Variants in CR1 observed in about 807,000 individuals in gnomAD.
The protein encoded by CR1 is complement receptor type 1.
A neutral mutation model predicts 187.3 loss-of-function variants in CR1; 116 were observed. The ratio of observed to expected loss-of-function variants is 0.62; its 90% confidence interval spans 0.53 to 0.72. The LOEUF (loss-of-function observed/expected upper bound fraction) is 0.72. Among genes scored for constraint, CR1 ranks in the 30% least tolerant of loss-of-function variants. The probability of loss-of-function intolerance (pLI) is 0.00; values close to 1 mark genes in which losing one functional copy is unlikely to be tolerated. For synonymous variants in CR1, 576 were observed against 747.1 expected (o/e 0.77, Z 3.73); for missense variants, 1,731 against 2,110.7 (o/e 0.82, Z 3.52).
At chr1:207,514,990 T>C (rs1453684649) in intron 4 of CR1, among the ~76,000 whole-genome samples, 105 of 127,582 alleles carry the variant, frequency 8.2e-4, no homozygotes, top group African/African-American at 2.8e-3. Flanking sequence ...CATATATATA[T>C]ATATACACAC....
chr1:207,585,730 G>A (rs1661093925), intron 33 of CR1, among the ~76,000 whole-genome samples: 1 of 152,232 alleles, frequency 6.6e-6, no homozygotes. Context: ...GTACCCATCA[G>A]AATGCAGTAA....
At chr1:207,617,598 TATATATATATATATAGAGAGAG>T (rs1208712450) in intron 41 of CR1, among the ~76,000 whole-genome samples, 89 of 38,394 alleles carry the variant, frequency 2.3e-3, no homozygotes, top group South Asian at 0.012. Flanking sequence ...TATATATATA[TATATATATATATATAGAGAGAG>T]AGAGAGAGAG....
At chr1:207,614,091 G>GT (rs1662022245) in intron 39 of CR1, among the ~76,000 whole-genome samples, 1 of 152,198 alleles carries the variant, frequency 6.6e-6, no homozygotes, top group Admixed American at 6.5e-5. Flanking sequence ...GAGAAGTATG[G>GT]TTCTGTGTTC....
rs1474144793 is a variant in CR1 at position 207,611,860 on chromosome 1, T to G, written c.6472+7T>G. The G allele has an allele frequency of 6.2e-7, 1 of 1,613,722 alleles. No individual in the cohort carries two copies. The highest frequency in any genetic ancestry group is 2.2e-5 in the East Asian group (1 of 44,782). On this transcript the variant is annotated splice_region_variant and intron_variant, in intron 38 of 46. Transcript: ENST00000367049. ...GAAGCCCCTAGATGTACAGGTGCCTTGACTCTCTGGCTTCCAGATTGCTCT... is the reference window on the plus strand; with the variant it reads ...GAAGCCCCTAGATGTACAGGTGCCTGGACTCTCTGGCTTCCAGATTGCTCT...
intron 25 of CR1, 105 bp downstream of exon 25, chr1:207,568,147 G>A (rs1660567286): frequency 2.5e-6 from 4 of 1,593,500 alleles, no homozygotes; most frequent in African/African-American, 1.4e-5. Flanking sequence ...GTATGCATTT[G>A]CCACAATGGA....
At chr1:207,626,721 A>G (rs1662490310) in intron 45 of CR1, among the ~76,000 whole-genome samples, 1 of 152,232 alleles carries the variant, frequency 6.6e-6, no homozygotes, top group African/African-American at 2.4e-5. Context: ...GAAGCTGCAT[A>G]AGCAGTCTGA....
chr1:207,590,800 G>A (rs1661246737), intron 35 of CR1, among the ~76,000 whole-genome samples: 1 of 152,182 alleles, frequency 6.6e-6, no homozygotes, highest in Admixed American at 6.5e-5. Context: ...AATAAAAGCA[G>A]GGGTTACAGT....
chr1:207,636,225 G>A (rs372979529), intron 46 of CR1, among the ~76,000 whole-genome samples: 8 of 152,018 alleles, frequency 5.3e-5, no homozygotes, highest in Non-Finnish European at 1.0e-4. Context: ...TAGTACTTCC[G>A]ATGGTCTTAA....
intron 35 of CR1, among the ~76,000 whole-genome samples, chr1:207,592,867 C>T (rs532806529): frequency 6.6e-6 from 1 of 152,074 alleles, no homozygotes; most frequent in Admixed American, 6.5e-5. Flanking sequence ...AATAAACTAC[C>T]TTGGAATACA....
Position 207,584,893 on chromosome 1 carries a change from A to T in CR1, c.5530+17A>T. 1 of 1,613,704 alleles carries T rather than the reference A, an allele frequency of 6.2e-7. No individual in the cohort carries two copies. The highest frequency in any genetic ancestry group is 8.5e-7 in the Non-Finnish European group (1 of 1,179,694). On this transcript the variant is annotated intron_variant, in intron 33 of 46. Coordinates refer to ENST00000367049, the MANE Select transcript of CR1 (RefSeq NM_000651.6). Reference sequence around the variant, plus strand: ...TTCGTGCTGGTCAGTATCCACTTCCACATATCCTAAATGGGTTCAGAATAT... The same window carrying T: ...TTCGTGCTGGTCAGTATCCACTTCCTCATATCCTAAATGGGTTCAGAATAT...
In CR1 at chr1:207,496,194, A is replaced by G; in HGVS notation, c.-74A>G. On this transcript the variant is annotated 5_prime_UTR_variant, in exon 1 of 47. Transcript: ENST00000367049. ...CGGAGCACAATGATTGGTCACTCCT[A>G]TTTTCGCTGAGCTTTTCCTCTTATT... is the stretch of plus-strand genomic sequence containing the variant. 1 of 1,611,022 alleles carries G rather than the reference A, an allele frequency of 6.2e-7. No homozygotes were observed. Among genetic ancestry groups the G allele is most frequent in the Non-Finnish European group, 8.5e-7 (1 of 1,178,960 alleles).
chr1:207,619,957 G>C lies in CR1; in HGVS notation c.7144G>C (p.Asp2382His), dbSNP rs759729002. ...AATGAAAAAAGTATATCACTATGGA[G>C]ATTATGTGACTTTGAAGTGTGAAGA... ...LEMKKVYHYG[D>H]YVTLKCEDGY... is the part of the protein sequence containing the mutation. The change falls in exon 43 of 47, where the codon GAT (aspartate) becomes CAT (histidine). Residue 2382 changes from aspartate (D) to histidine (H), a missense_variant. This residue lies in a region of CR1 where 1,312 missense variants were observed against 1,379.6 expected (regional missense o/e 0.95). Transcript: ENST00000367049. 3 of 1,612,892 alleles carry C rather than the reference G, an allele frequency of 1.9e-6. No individual in the cohort carries two copies. Among genetic ancestry groups the C allele is most frequent in the Non-Finnish European group, 2.5e-6 (3 of 1,179,386 alleles).
intron 27 of CR1, among the ~76,000 whole-genome samples, chr1:207,574,079 G>A (rs532495933): frequency 6.6e-6 from 1 of 152,190 alleles, no homozygotes; most frequent in East Asian, 1.9e-4. Context: ...GCTTCAGTGA[G>A]CCTTGATGGC....
At position 207,616,692 on chromosome 1, in the gene CR1, G is replaced by C. The variant is rs747326386; in HGVS notation, c.6779G>C (p.Gly2260Ala). The change falls in exon 41 of 47, where the codon GGG (glycine) becomes GCG (alanine). Residue 2260 changes from glycine to alanine, a missense_variant. Transcript: ENST00000367049. ...GCATGCGACACCCACCCAGACAGAGGGATGACCTTCAACCTCATTGGGGAG... is the reference window on the plus strand; with the variant it reads ...GCATGCGACACCCACCCAGACAGAGCGATGACCTTCAACCTCATTGGGGAG... ...SYACDTHPDR[G>A]MTFNLIGESS... 2.7e-5 allele frequency: 43 copies of C among 1,613,750 alleles called. 1 individual carries two copies. Among genetic ancestry groups the C allele is most frequent in the Non-Finnish European group, 3.6e-5 (42 of 1,179,884 alleles).
chr1:207,620,214 C>A lies in CR1; in HGVS notation c.7252+149C>A, dbSNP rs1571606920. ...ATGAGCATCCACCTATTCCAAAACTCCCATAGTGAGAGTAAGGCCAGACTT... is the reference window on the plus strand; with the variant it reads ...ATGAGCATCCACCTATTCCAAAACTACCATAGTGAGAGTAAGGCCAGACTT... On this transcript the variant is annotated intron_variant, in intron 43 of 46. Coordinates refer to ENST00000367049, the MANE Select transcript of CR1 (RefSeq NM_000651.6). 7.7e-6 allele frequency: 6 copies of A among 781,362 alleles called. No homozygotes were observed. The East Asian group carries it at 1.8e-4, about 23-fold the overall frequency. The allele number at this position is 781,362 out of a possible 1,614,324, so 48.4% of individuals were successfully genotyped here.
At chr1:207,633,829 C>T (rs965188021) in intron 46 of CR1, among the ~76,000 whole-genome samples, 11 of 152,116 alleles carry the variant, frequency 7.2e-5, no homozygotes, top group Admixed American at 6.5e-5. Context: ...TGGGTGCAGG[C>T]GGGCTGAGTC....
At chr1:207,519,748 T>C (rs1405355764) in intron 4 of CR1, among the ~76,000 whole-genome samples, 1 of 152,074 alleles carries the variant, frequency 6.6e-6, no homozygotes, top group African/African-American at 2.4e-5. Flanking sequence ...CCAGCTGCAA[T>C]GGGGGAAGAG....
chr1:207,624,699 C>G (rs1284993445), intron 45 of CR1, among the ~76,000 whole-genome samples: 1 of 152,142 alleles, frequency 6.6e-6, no homozygotes, highest in Non-Finnish European at 1.5e-5. Flanking sequence ...ATATTCTTTG[C>G]TCTTTTCCAT....
At chr1:207,583,681 CTTGTA>C (rs2102347866) in intron 32 of CR1, among the ~76,000 whole-genome samples, 1 of 152,080 alleles carries the variant, frequency 6.6e-6, no homozygotes, top group Non-Finnish European at 1.5e-5. Context: ...ATTTCAATGT[CTTGTA>C]TTGATTTATA....
Sources: allele counts gnomAD v4.1 joint callset (sites outside exome capture counted in the v4.1 genomes callset), GRCh38; gene constraint gnomAD v4.1.1; regional missense constraint gnomAD v4.1.1; transcripts MANE v1.5; gene names NCBI Gene and HGNC (gene_info 2026-07-23, HGNC 2026-07-21).